WWOX: variants seen among roughly 807,000 people sequenced by gnomAD.
WWOX encodes the protein WW domain-containing oxidoreductase.
Under a neutral mutation model 46.2 loss-of-function variants are expected in WWOX, and 69 were observed. The observed-to-expected ratio is 1.49, with a 90% CI of 1.23 to 1.82. The LOEUF is 1.82. Among genes scored for constraint, WWOX ranks in the 40% most tolerant of loss-of-function variants. The pLI is 0.00. For missense variants in WWOX, 919 were observed against 542.6 expected (o/e 1.69, Z -6.89); for synonymous variants, 359 against 202.6 (o/e 1.77, Z -6.56).
chr16:78,486,808 G>A (rs1488629349), intron 8 of WWOX, among the ~76,000 whole-genome samples: 1 of 152,156 alleles, frequency 6.6e-6, no homozygotes, highest in Non-Finnish European at 1.5e-5. Flanking sequence ...TCCTGACTTC[G>A]TGATCCACTC....
At chr16:78,895,099 A>G (rs888212844) in intron 8 of WWOX, among the ~76,000 whole-genome samples, 1 of 152,162 alleles carries the variant, frequency 6.6e-6, no homozygotes, top group South Asian at 2.1e-4. Flanking sequence ...CAATGTTTCC[A>G]TGGTGAGGGC....
At chr16:79,155,992 C>T (rs531099921) in intron 8 of WWOX, among the ~76,000 whole-genome samples, 2 of 151,986 alleles carry the variant, frequency 1.3e-5, no homozygotes, top group South Asian at 2.1e-4. Flanking sequence ...TCATAACTCA[C>T]TTAGTCATTT....
chr16:78,415,844 C>T (rs2082785707), intron 6 of WWOX, among the ~76,000 whole-genome samples: 2 of 152,136 alleles, frequency 1.3e-5, no homozygotes, highest in South Asian at 4.2e-4. Flanking sequence ...ACCTTAACTA[C>T]TGAGGGGATG....
At chr16:78,519,080 A>G (rs768022762) in intron 8 of WWOX, among the ~76,000 whole-genome samples, 1 of 152,154 alleles carries the variant, frequency 6.6e-6, no homozygotes, top group Non-Finnish European at 1.5e-5. Flanking sequence ...CTATAGATGG[A>G]TGTATAGTCT....
intron 8 of WWOX, among the ~76,000 whole-genome samples, chr16:78,580,881 T>G (rs1001668238): frequency 6.6e-6 from 1 of 152,242 alleles, no homozygotes; most frequent in Admixed American, 6.5e-5. Flanking sequence ...TCTTTGGTAG[T>G]GTCTGCCCAC....
intron 8 of WWOX, among the ~76,000 whole-genome samples, chr16:78,689,026 A>T (rs1244197381): frequency 6.6e-6 from 1 of 152,268 alleles, no homozygotes; most frequent in African/African-American, 2.4e-5. Flanking sequence ...AGCCATGCCA[A>T]ATTGTGAGTC....
At chr16:78,426,606 G>C (rs4073159) in intron 7 of WWOX, among the ~76,000 whole-genome samples, 25,844 of 152,076 alleles carry the variant, frequency 0.17, 2,928 homozygotes, top group East Asian at 0.3. Flanking sequence ...TTGCTCCTGT[G>C]TGATGGCTGG....
intron 8 of WWOX, among the ~76,000 whole-genome samples, chr16:78,635,894 G>A (rs961338235): frequency 6.6e-6 from 1 of 152,164 alleles, no homozygotes; most frequent in Non-Finnish European, 1.5e-5. Flanking sequence ...TGGAAACCAG[G>A]ACACAGAGAA....
chr16:78,645,103 A>G (rs572963245), intron 8 of WWOX, among the ~76,000 whole-genome samples: 5 of 152,256 alleles, frequency 3.3e-5, no homozygotes, highest in South Asian at 4.2e-4. Flanking sequence ...AGGCTAAGCA[A>G]TATACAATCT....
chr16:78,551,826 A>G (rs1416693944), intron 8 of WWOX: 1 of 152,226 alleles, frequency 6.6e-6, no homozygotes, highest in Admixed American at 6.5e-5. Flanking sequence ...GCTCGAGATC[A>G]AAATAAACAG....
chr16:79,032,829 G>T (rs897300343), intron 8 of WWOX, among the ~76,000 whole-genome samples: 9 of 151,284 alleles, frequency 5.9e-5, no homozygotes, highest in African/African-American at 2.2e-4. Flanking sequence ...GTAAACTGGC[G>T]TGATGGGGGT....
rs377356629 is a variant in WWOX at position 78,164,273 on chromosome 16, G to A, written c.500G>A (p.Arg167His). The change falls in exon 5 of 9, where the codon CGC becomes CAC. Residue 167 changes from arginine to histidine, a missense_variant. Arg to His is a conservative substitution (Grantham distance 29, BLOSUM62 0). Transcript: ENST00000566780. ...GCAAGGGCGAGTGAAGCAGTGTCAC[G>A]CATTTTAGAAGAATGGGTAAGTGCT... Reference protein sequence around the residue: ...NMARASEAVSRILEEWHKAKV... With the variant: ...NMARASEAVSHILEEWHKAKV... 34 of 1,613,832 alleles carry A rather than the reference G, an allele frequency of 2.1e-5. No homozygotes were observed. Among genetic ancestry groups the A allele is most frequent in the Admixed American group, 5.0e-5 (3 of 59,980 alleles).
chr16:78,625,363 G>A (rs1217567717), intron 8 of WWOX, among the ~76,000 whole-genome samples: 1 of 152,114 alleles, frequency 6.6e-6, no homozygotes, highest in Admixed American at 6.5e-5. Flanking sequence ...AGGGTAACTG[G>A]ATCCCTGAAA....
At chr16:78,962,490 C>G (rs977416501) in intron 8 of WWOX, among the ~76,000 whole-genome samples, 1 of 151,962 alleles carries the variant, frequency 6.6e-6, no homozygotes, top group African/African-American at 2.4e-5. Flanking sequence ...AGTGAGATTG[C>G]TTCACATTGC....
intron 8 of WWOX, chr16:78,526,124 C>T (rs1011143059): frequency 2.0e-5 from 3 of 152,160 alleles, no homozygotes; most frequent in Non-Finnish European, 4.4e-5. Context: ...TCCAGGTCTT[C>T]ATTGTAGCGG....
intron 8 of WWOX, among the ~76,000 whole-genome samples, chr16:78,749,815 TAA>T (rs1169396044): frequency 1.3e-5 from 2 of 152,236 alleles, no homozygotes; most frequent in Non-Finnish European, 2.9e-5. Flanking sequence ...AGGCTTTTTA[TAA>T]ACTGTTCCTC....
chr16:78,674,828 CATTTTTT>C (rs969765057), intron 8 of WWOX, among the ~76,000 whole-genome samples: 3 of 102,366 alleles, frequency 2.9e-5, no homozygotes, highest in African/African-American at 9.6e-5. Context: ...TTTCATTTTT[CATTTTTT>C]TTTTTTCTGG....
At chr16:78,974,748 G>C (rs1365150934) in intron 8 of WWOX, among the ~76,000 whole-genome samples, 5 of 152,294 alleles carry the variant, frequency 3.3e-5, no homozygotes, top group South Asian at 2.1e-4. Context: ...CTTGGTCTCT[G>C]GTGTTGGGTC....
chr16:78,365,164 A>T (rs1169644526), intron 5 of WWOX, among the ~76,000 whole-genome samples: 1 of 152,180 alleles, frequency 6.6e-6, no homozygotes, highest in Non-Finnish European at 1.5e-5. Context: ...AGGTTGAGGG[A>T]AGAAATAAAT....
Sources: allele counts gnomAD v4.1 joint callset (sites outside exome capture counted in the v4.1 genomes callset), GRCh38; gene constraint gnomAD v4.1.1; transcripts MANE v1.5; gene names NCBI Gene and HGNC (gene_info 2026-07-23, HGNC 2026-07-21).